KIAA0825: variants seen among roughly 807,000 people sequenced by gnomAD.
The protein encoded by KIAA0825 is uncharacterized protein KIAA0825.
Under a neutral mutation model 147.6 loss-of-function variants are expected in KIAA0825, and 119 were observed. The observed-to-expected ratio is 0.81, with a 90% CI of 0.69 to 0.94. The LOEUF (loss-of-function observed/expected upper bound fraction) is 0.94. Among genes scored for constraint, KIAA0825 ranks in the 40% least tolerant of loss-of-function variants. KIAA0825 has a pLI of 0.00. For missense variants in KIAA0825, 1,381 were observed against 1,472.7 expected (o/e 0.94, Z 1.02); for synonymous variants, 470 against 518.1 (o/e 0.91, Z 1.26).
At chr5:94,246,071 C>G (rs1384738040) in intron 20 of KIAA0825, among the ~76,000 whole-genome samples, 1 of 152,140 alleles carries the variant, frequency 6.6e-6, no homozygotes, top group East Asian at 1.9e-4. Flanking sequence ...CTTAGTTCGA[C>G]AATGAGATTT....
intron 2 of KIAA0825, among the ~76,000 whole-genome samples, chr5:94,557,850 T>G (rs1052349134): frequency 2.0e-5 from 3 of 152,176 alleles, no homozygotes; most frequent in Non-Finnish European, 4.4e-5. Context: ...TGCACTCTTT[T>G]CTGGTCCCTG....
Position 94,479,930 on chromosome 5 carries a change from G to T in KIAA0825, c.1133-2725C>A, listed in dbSNP as rs1265643111. 2.0e-5 allele frequency among the ~76,000 whole-genome samples: 3 copies of T among 152,032 alleles called. No individual in the cohort carries two copies. The South Asian group carries it at 6.2e-4, about 32-fold the overall frequency. ...GATCTTTTATGAATTTTTAAATTGG[G>T]TTGTTTGTTTTCTTGTTGAATTTTA... On this transcript the variant is annotated intron_variant, in intron 6 of 20. Transcript: ENST00000682413.
chr5:94,406,557 C>T (rs1056952621), intron 15 of KIAA0825, among the ~76,000 whole-genome samples: 3 of 152,132 alleles, frequency 2.0e-5, no homozygotes, highest in Admixed American at 1.3e-4. Flanking sequence ...GGAAAATCTG[C>T]ACCTCCATTA....
intron 15 of KIAA0825, among the ~76,000 whole-genome samples, chr5:94,406,525 A>T (rs532406514): frequency 6.6e-6 from 1 of 152,348 alleles, no homozygotes; most frequent in South Asian, 2.1e-4. Context: ...AAGCACTTCC[A>T]GAATGATGGT....
chr5:94,391,482 C>A, intron 18 of KIAA0825, 53 bp downstream of exon 18: 1 of 1,539,052 alleles, frequency 6.5e-7, no homozygotes, highest in South Asian at 1.2e-5. Context: ...CCAGCAGACG[C>A]TGCCTCAGGC....
intron 5 of KIAA0825, among the ~76,000 whole-genome samples, chr5:94,499,736 T>C (rs956534891): frequency 6.6e-6 from 1 of 152,156 alleles, no homozygotes; most frequent in Non-Finnish European, 1.5e-5. Context: ...TGATTTATTT[T>C]AAGAAAATGG....
intron 20 of KIAA0825, among the ~76,000 whole-genome samples, chr5:94,375,134 T>G (rs1175314943): frequency 1.3e-5 from 2 of 149,376 alleles, no homozygotes; most frequent in Admixed American, 1.4e-4. Flanking sequence ...AGGGTTCAAG[T>G]GATTCTCCTG....
intron 2 of KIAA0825, among the ~76,000 whole-genome samples, chr5:94,579,407 C>T (rs1781665889): frequency 6.6e-6 from 1 of 152,184 alleles, no homozygotes; most frequent in Non-Finnish European, 1.5e-5. Context: ...TAAATGTTAT[C>T]TCTTAGTGTT....
intron 4 of KIAA0825, among the ~76,000 whole-genome samples, chr5:94,523,224 CTAAAT>C (rs1768562620): frequency 6.6e-6 from 1 of 151,484 alleles, no homozygotes; most frequent in East Asian, 1.9e-4. Context: ...CTTTTTTTCC[CTAAAT>C]TAAATTAAAA....
At chr5:94,305,362 C>T (rs575440770) in intron 20 of KIAA0825, among the ~76,000 whole-genome samples, 66 of 152,016 alleles carry the variant, frequency 4.3e-4, no homozygotes, top group Non-Finnish European at 8.0e-4. Context: ...AATGGTCTAT[C>T]ATATGACTAT....
At chr5:94,482,833 A>T (rs1037997938) in intron 6 of KIAA0825, among the ~76,000 whole-genome samples, 1 of 152,028 alleles carries the variant, frequency 6.6e-6, no homozygotes, top group African/African-American at 2.4e-5. Context: ...CACTTCTTAT[A>T]CTTGCCCCTT....
At chr5:94,290,636 T>G (rs768574557) in intron 20 of KIAA0825, among the ~76,000 whole-genome samples, 3 of 152,226 alleles carry the variant, frequency 2.0e-5, no homozygotes, top group Non-Finnish European at 4.4e-5. Context: ...TATAATCCTT[T>G]GGGTATATAC....
chr5:94,437,383 T>C (rs1463015924), intron 14 of KIAA0825, among the ~76,000 whole-genome samples: 2 of 152,182 alleles, frequency 1.3e-5, no homozygotes, highest in Non-Finnish European at 2.9e-5. Context: ...TTGAAGTAGC[T>C]AGTAAAATTC....
intron 14 of KIAA0825, among the ~76,000 whole-genome samples, chr5:94,431,378 A>C (rs1321941416): frequency 6.6e-6 from 1 of 152,244 alleles, no homozygotes; most frequent in African/African-American, 2.4e-5. Flanking sequence ...TTTTTAAAGC[A>C]TGTTCTATGC....
chr5:94,358,161 G>T (rs1744562735), intron 20 of KIAA0825, among the ~76,000 whole-genome samples: 1 of 152,156 alleles, frequency 6.6e-6, no homozygotes, highest in Non-Finnish European at 1.5e-5. Flanking sequence ...CCTTCAGTTG[G>T]CCGGTATTCT....
At chr5:94,169,411 G>A (rs779043202) in intron 20 of KIAA0825, among the ~76,000 whole-genome samples, 1 of 151,920 alleles carries the variant, frequency 6.6e-6, no homozygotes, top group Non-Finnish European at 1.5e-5. Flanking sequence ...GTGAAACCCT[G>A]TCTCTACTGA....
At position 94,225,909 on chromosome 5, in the gene KIAA0825, C is replaced by A. The variant is rs183649591; in HGVS notation, c.3711-71785G>T. Among the ~76,000 whole-genome samples the A allele has an allele frequency of 1.0e-3, 152 of 152,274 alleles. 1 individual carries two copies. Among genetic ancestry groups the A allele is most frequent in the African/African-American group, 3.4e-3 (141 of 41,554 alleles). On this transcript the variant is annotated intron_variant, in intron 20 of 20. Coordinates refer to ENST00000682413, the MANE Select transcript of KIAA0825 (RefSeq NM_001145678.3). ...AATGTAAGACCTAAAACCATAAAAA[C>A]CCTAGAAGAAATCCTAGGCAATACC... is the stretch of plus-strand genomic sequence containing the variant.
rs544538387 is a variant in KIAA0825, at chr5:94,486,004, T to C, written c.971-1074A>G. 3.3e-5 allele frequency among the ~76,000 whole-genome samples: 5 copies of C among 152,038 alleles called. No homozygotes were observed. In the East Asian group the frequency reaches 9.6e-4, roughly 29 times the overall value. ...AAGTCACACTATCATTTTAATATGA[T>C]AATAAAATCCCTTTATACTCTTTAA... is the stretch of plus-strand genomic sequence containing the variant. On this transcript the variant is annotated intron_variant, in intron 5 of 20. Transcript: ENST00000682413.
intron 20 of KIAA0825, among the ~76,000 whole-genome samples, chr5:94,213,751 C>T (rs553573337): frequency 6.6e-6 from 1 of 152,316 alleles, no homozygotes; most frequent in East Asian, 1.9e-4. Flanking sequence ...TCTGCCCCTT[C>T]CCTCTAGCCT....
Sources: gnomAD v4.1 joint callset for allele counts (sites outside exome capture counted in the v4.1 genomes callset) on GRCh38, gnomAD v4.1.1 for gene constraint, MANE v1.5 for transcripts, NCBI Gene and HGNC (gene_info 2026-07-23, HGNC 2026-07-21) for gene names.